RERE: variants seen among roughly 807,000 people sequenced by gnomAD.
The protein encoded by RERE is arginine-glutamic acid dipeptide repeats protein.
A neutral mutation model predicts 146.1 loss-of-function variants in RERE; 40 were observed. The ratio of observed to expected loss-of-function variants is 0.27; its 90% CI spans 0.21 to 0.36. The LOEUF (loss-of-function observed/expected upper bound fraction) is 0.36, where lower values mean the gene tolerates loss of function less well. Ranked by LOEUF, RERE falls within the 10% of genes least tolerant of loss-of-function variation. The probability of loss-of-function intolerance (pLI) is 1.00; values close to 1 mark genes in which losing one functional copy is unlikely to be tolerated. For missense variants in RERE, 1,933 were observed against 2,138.7 expected, an observed-to-expected ratio of 0.90 and a Z score of 1.90; for synonymous variants, 1,003 against 866.0, an observed-to-expected ratio of 1.16 and a Z score of -2.78.
At chr1:8,395,571 T>G (rs57510613) in intron 12 of RERE, among the ~76,000 whole-genome samples, 2 of 151,904 alleles carry the variant, frequency 1.3e-5, no homozygotes, top group Admixed American at 6.6e-5. Context: ...CTGGAGACAT[T>G]TGAAGCTGGA....
intron 7 of RERE, among the ~76,000 whole-genome samples, chr1:8,529,287 C>CTTCTTTTTTTTTTTGTTTTT (rs1382281413): frequency 9.8e-6 from 1 of 102,446 alleles, no homozygotes; most frequent in African/African-American, 3.8e-5. Flanking sequence ...GTTCTCCCTT[C>CTTCTTTTTTTTTTTGTTTTT]TTTTTTTTTT....
intron 10 of RERE, among the ~76,000 whole-genome samples, chr1:8,478,487 G>T (rs1205367614): frequency 6.6e-6 from 1 of 152,182 alleles, no homozygotes; most frequent in African/African-American, 2.4e-5. Flanking sequence ...GGAGAAGGCA[G>T]GCCACTCAAC....
chr1:8,401,069 A>ATATATATATATATATATATGTATG (rs761609705), intron 12 of RERE, among the ~76,000 whole-genome samples: 6 of 85,116 alleles, frequency 7.0e-5, no homozygotes, highest in Non-Finnish European at 1.5e-4. Flanking sequence ...ATATATATAT[A>ATATATATATATATATATATGTATG]TATGTCACTT....
At chr1:8,503,081 CAATTAAAAATAAATA>C (rs1241333788) in intron 8 of RERE, among the ~76,000 whole-genome samples, 2 of 137,984 alleles carry the variant, frequency 1.4e-5, no homozygotes, top group African/African-American at 5.6e-5. Flanking sequence ...CAAGAATGAT[CAATTAAAAATAAATA>C]AATAAATAAA....
chr1:8,393,935 C>G (rs1406302315), intron 12 of RERE, among the ~76,000 whole-genome samples: 1 of 152,140 alleles, frequency 6.6e-6, no homozygotes, highest in Admixed American at 6.5e-5. Context: ...ATGATAGGAG[C>G]TCAAGGCCCA....
At chr1:8,433,850 G>T (rs535727058) in intron 11 of RERE, among the ~76,000 whole-genome samples, 2 of 152,184 alleles carry the variant, frequency 1.3e-5, no homozygotes, top group Non-Finnish European at 2.9e-5. Context: ...GTGAGCCACC[G>T]CGCCCGGCCC....
rs1641543036 is a variant in RERE at position 8,360,873 on chromosome 1, G to A, written c.2634C>T (p.Ala878=). Residue 878 remains alanine, a synonymous_variant, in exon 18 of 23, where the codon GCC becomes GCT. Coordinates refer to ENST00000400908, the MANE Select transcript of RERE (RefSeq NM_001042681.2). ...TCCCCAGAGGGGCCTGGCCTTGGGA[G>A]GCCTGGGGAGGGAGGCCAAAGGGCT... ...PPQPFGLPPQ[A]SQGQAPLGTS... 6.6e-7 allele frequency: 1 copy of A among 1,524,340 alleles called. No homozygotes were observed. Among genetic ancestry groups the A allele is most frequent in the Non-Finnish European group, 8.8e-7 (1 of 1,141,878 alleles). The allele number at this position is 1,524,340 out of a possible 1,614,324, so 94.4% of individuals were successfully genotyped here. A position where few individuals can be genotyped will look rare whatever the true frequency, so the allele number is the denominator to read the frequency against.
chr1:8,655,845 A>G (rs2124332241), intron 2 of RERE, 128 bp downstream of exon 2: 2 of 1,490,144 alleles, frequency 1.3e-6, no homozygotes, highest in East Asian at 4.5e-5. Context: ...TGTTTACCAA[A>G]TTAAGTTTCC....
chr1:8,646,007 T>A (rs1647289049), intron 2 of RERE, among the ~76,000 whole-genome samples: 1 of 152,200 alleles, frequency 6.6e-6, no homozygotes, highest in Non-Finnish European at 1.5e-5. Flanking sequence ...GAACTACATT[T>A]TCCCAACTGT....
At chr1:8,406,121 A>G (rs1643430581) in intron 12 of RERE, among the ~76,000 whole-genome samples, 2 of 151,806 alleles carry the variant, frequency 1.3e-5, no homozygotes, top group South Asian at 4.2e-4. Context: ...AAATCGAGAC[A>G]GGGTCTCACT....
intron 2 of RERE, among the ~76,000 whole-genome samples, chr1:8,652,336 G>A (rs1357252853): frequency 6.6e-6 from 1 of 152,124 alleles, no homozygotes; most frequent in Non-Finnish European, 1.5e-5. Flanking sequence ...ATGTCACAAA[G>A]GTTTTCAGAT....
chr1:8,441,947 T>TTTTTTTTTTTTTTTTTTGAGACGGA (rs1460787436), intron 11 of RERE, among the ~76,000 whole-genome samples: 2 of 151,666 alleles, frequency 1.3e-5, no homozygotes, highest in African/African-American at 2.4e-5. Context: ...ACACACTTTT[T>TTTTTTTTTTTTTTTTTTGAGACGGA]GTTGCAGGGA....
chr1:8,774,839 T>C (rs1641029311), intron 1 of RERE, among the ~76,000 whole-genome samples: 2 of 151,940 alleles, frequency 1.3e-5, no homozygotes, highest in Non-Finnish European at 2.9e-5. Context: ...TCCTCAATAG[T>C]CCAACCCTCA....
At chr1:8,587,835 T>C (rs1043553624) in intron 4 of RERE, among the ~76,000 whole-genome samples, 4 of 152,170 alleles carry the variant, frequency 2.6e-5, no homozygotes, top group African/African-American at 7.2e-5. Flanking sequence ...TTTCCAACCT[T>C]GTGAGTCCCA....
chr1:8,644,514 C>T (rs537955196), intron 2 of RERE, among the ~76,000 whole-genome samples: 1 of 152,296 alleles, frequency 6.6e-6, no homozygotes, highest in South Asian at 2.1e-4. Context: ...ATGTACACCA[C>T]CTTGCATCAA....
At chr1:8,631,525 A>G (rs1647035331) in intron 2 of RERE, among the ~76,000 whole-genome samples, 1 of 152,258 alleles carries the variant, frequency 6.6e-6, no homozygotes, top group East Asian at 1.9e-4. Flanking sequence ...TGGAACAAGA[A>G]AAAGCAAAAT....
intron 2 of RERE, among the ~76,000 whole-genome samples, chr1:8,646,847 G>C (rs1647332752): frequency 6.6e-6 from 1 of 152,194 alleles, no homozygotes; most frequent in Non-Finnish European, 1.5e-5. Context: ...GAGGCTGGGT[G>C]GAGTGGCTCA....
At chr1:8,526,183 T>C (rs17385829) in intron 7 of RERE, 12,388 of 544,956 alleles carry the variant, frequency 0.023, 189 homozygotes, top group Non-Finnish European at 0.026. Flanking sequence ...AGCCCAGCCA[T>C]GGAGAGGCTT....
intron 10 of RERE, among the ~76,000 whole-genome samples, chr1:8,488,722 A>G (rs369044692): frequency 1.3e-5 from 2 of 152,200 alleles, no homozygotes; most frequent in Non-Finnish European, 2.9e-5. Flanking sequence ...ATAACGATCA[A>G]TGAGACAGAA....
Sources: gnomAD v4.1 joint callset for allele counts (sites outside exome capture counted in the v4.1 genomes callset) on GRCh38, gnomAD v4.1.1 for gene constraint, MANE v1.5 for transcripts, NCBI Gene and HGNC (gene_info 2026-07-23, HGNC 2026-07-21) for gene names.